Variants in SLIT3 observed in about 807,000 individuals in gnomAD.
SLIT3 encodes slit guidance ligand 3, also known as slit homolog 3 protein.
Under a neutral mutation model 184.0 loss-of-function variants are expected in SLIT3, and 68 were observed. The observed-to-expected ratio is 0.37, with a 90% CI of 0.30 to 0.45. SLIT3 has a LOEUF of 0.45. Ranked by LOEUF, SLIT3 falls within the 20% of genes least tolerant of loss-of-function variation. SLIT3 has a pLI of 1.00. For missense variants in SLIT3, 1,707 were observed against 2,026.0 expected (o/e 0.84, Z 3.02); for synonymous variants, 831 against 828.6 (o/e 1.00, Z -0.05).
chr5:168,755,399 T>C (rs541589508), intron 16 of SLIT3, among the ~76,000 whole-genome samples: 7 of 16,474 alleles, frequency 4.2e-4, no homozygotes, highest in East Asian at 2.0e-3. Flanking sequence ...ATTTCTTTCT[T>C]TCTTTCTTTC....
At chr5:168,833,711 A>G (rs375005325) in intron 6 of SLIT3, among the ~76,000 whole-genome samples, 16 of 152,252 alleles carry the variant, frequency 1.1e-4, no homozygotes, top group African/African-American at 3.9e-4. Context: ...AGGGGCAAGC[A>G]GACAGCAATA....
At chr5:169,049,574 C>T (rs1419802215) in intron 4 of SLIT3, among the ~76,000 whole-genome samples, 1 of 152,146 alleles carries the variant, frequency 6.6e-6, no homozygotes, top group Non-Finnish European at 1.5e-5. Context: ...TGTAATTTTT[C>T]AAATAGTCAG....
intron 4 of SLIT3, among the ~76,000 whole-genome samples, chr5:169,185,500 T>C (rs977308297): frequency 6.6e-6 from 1 of 152,238 alleles, no homozygotes; most frequent in African/African-American, 2.4e-5. Context: ...CTATTATCAT[T>C]TCACCACATC....
At chr5:169,105,825 T>C (rs991571041) in intron 4 of SLIT3, among the ~76,000 whole-genome samples, 2 of 152,184 alleles carry the variant, frequency 1.3e-5, no homozygotes, top group Non-Finnish European at 2.9e-5. Context: ...CCACGGTGTA[T>C]ATGTGCCACA....
chr5:168,768,691 C>T (rs1473273013), intron 14 of SLIT3, among the ~76,000 whole-genome samples: 1 of 152,206 alleles, frequency 6.6e-6, no homozygotes, highest in African/African-American at 2.4e-5. Flanking sequence ...CCATCACAGT[C>T]ATTCCTCTAG....
chr5:169,102,754 T>G (rs578036048), intron 4 of SLIT3, among the ~76,000 whole-genome samples: 2 of 152,290 alleles, frequency 1.3e-5, no homozygotes, highest in East Asian at 3.9e-4. Flanking sequence ...TATCCAAATC[T>G]CCTACATTAG....
chr5:168,984,314 A>G (rs958574300), intron 4 of SLIT3, among the ~76,000 whole-genome samples: 3 of 152,166 alleles, frequency 2.0e-5, no homozygotes, highest in Non-Finnish European at 4.4e-5. Flanking sequence ...CCTGATGCAG[A>G]GCTCCTCAAA....
chr5:169,242,378 G>A (rs1376422003), intron 3 of SLIT3, among the ~76,000 whole-genome samples: 3 of 152,134 alleles, frequency 2.0e-5, no homozygotes, highest in Non-Finnish European at 2.9e-5. Context: ...TACTTCCTGG[G>A]CACAAAGCTC....
rs555171435 is a variant in SLIT3, at chr5:168,938,882, G to A, written c.414-55546C>T. Among the ~76,000 whole-genome samples the A allele has an allele frequency of 3.9e-5, 6 of 152,252 alleles. No individual in the cohort carries two copies. In the South Asian group the frequency reaches 1.2e-3, roughly 32 times the overall value. On this transcript the variant is annotated intron_variant, in intron 4 of 35. Coordinates refer to ENST00000519560, the MANE Select transcript of SLIT3 (RefSeq NM_003062.4). The stretch of plus-strand genomic sequence containing the variant: ...CTGATCTCATGATCTGCCCACCTCA[G>A]CCTCCCAAAGTGCTAGGATTACAGG...
chr5:168,881,892 C>T (rs913079868), intron 5 of SLIT3, among the ~76,000 whole-genome samples: 1 of 152,308 alleles, frequency 6.6e-6, no homozygotes, highest in Admixed American at 6.5e-5. Flanking sequence ...CTGCTCCACC[C>T]CGCCCTCTCC....
intron 4 of SLIT3, among the ~76,000 whole-genome samples, chr5:169,159,671 G>A (rs1762416916): frequency 6.6e-6 from 1 of 152,164 alleles, no homozygotes; most frequent in South Asian, 2.1e-4. Flanking sequence ...AGCTACTCGG[G>A]AGGCTGAGGC....
intron 20 of SLIT3, among the ~76,000 whole-genome samples, chr5:168,746,017 GT>G (rs1372234209): frequency 1.3e-5 from 2 of 152,152 alleles, no homozygotes; most frequent in South Asian, 2.1e-4. Flanking sequence ...TGGTACATTG[GT>G]TTTTTTCCAA....
At chr5:169,119,718 C>G (rs186537770) in intron 4 of SLIT3, among the ~76,000 whole-genome samples, 1 of 145,510 alleles carries the variant, frequency 6.9e-6, no homozygotes, top group Admixed American at 6.6e-5. Context: ...GGCACGCTGC[C>G]TCTGTGGGTC....
At chr5:169,101,954 G>T (rs1362513259) in intron 4 of SLIT3, among the ~76,000 whole-genome samples, 1 of 152,162 alleles carries the variant, frequency 6.6e-6, no homozygotes, top group African/African-American at 2.4e-5. Context: ...CAGAGATCCT[G>T]GCCTTTCCCA....
At chr5:168,932,037 T>G (rs763012826) in intron 4 of SLIT3, among the ~76,000 whole-genome samples, 48 of 152,122 alleles carry the variant, frequency 3.2e-4, no homozygotes, top group Admixed American at 7.9e-4. Context: ...AAGTCCCAGA[T>G]GGGATGGTGG....
At chr5:169,090,178 A>G (rs566767925) in intron 4 of SLIT3, among the ~76,000 whole-genome samples, 6 of 152,180 alleles carry the variant, frequency 3.9e-5, no homozygotes, top group Non-Finnish European at 8.8e-5. Flanking sequence ...GGAGATGAAA[A>G]TACCAAGGTG....
intron 4 of SLIT3, among the ~76,000 whole-genome samples, chr5:169,157,085 T>A (rs1762335914): frequency 1.3e-5 from 2 of 152,118 alleles, no homozygotes. Context: ...CTAGACAAAG[T>A]ACCCCAAGTC....
chr5:169,177,110 T>C (rs1046678525), intron 4 of SLIT3, among the ~76,000 whole-genome samples: 3 of 152,166 alleles, frequency 2.0e-5, no homozygotes, highest in Non-Finnish European at 4.4e-5. Context: ...CTGAAATAAA[T>C]GGAGGGTGCA....
intron 3 of SLIT3, among the ~76,000 whole-genome samples, chr5:169,201,249 T>G (rs1372677409): frequency 6.6e-6 from 1 of 152,350 alleles, no homozygotes; most frequent in Admixed American, 6.5e-5. Flanking sequence ...CCTTTATTTT[T>G]GACATTTCTA....
Sources: allele counts gnomAD v4.1 joint callset (sites outside exome capture counted in the v4.1 genomes callset), GRCh38; gene constraint gnomAD v4.1.1; transcripts MANE v1.5; gene names NCBI Gene and HGNC (gene_info 2026-07-23, HGNC 2026-07-21).